The following PTPRD variants were observed in gnomAD, a reference collection of about 807,000 sequenced individuals.
The protein encoded by PTPRD is protein tyrosine phosphatase receptor type D.
In PTPRD, 34 loss-of-function variants were observed where a neutral mutation model predicts 214.5. The observed-to-expected ratio is 0.16, with a 90% confidence interval of 0.12 to 0.21. The LOEUF is 0.21. PTPRD is among the 10% of genes least tolerant of loss of function. PTPRD has a pLI of 1.00. For synonymous variants in PTPRD, 1,128 were observed against 845.7 expected (o/e 1.33, Z -5.79); for missense variants, 2,545 against 2,398.7 (o/e 1.06, Z -1.27).
At chr9:9,250,393 A>G (rs944635022) in intron 9 of PTPRD, among the ~76,000 whole-genome samples, 3 of 152,040 alleles carry the variant, frequency 2.0e-5, no homozygotes, top group African/African-American at 7.2e-5. Context: ...AGCTGAGTAA[A>G]TCTCTCAGAG....
At chr9:9,259,094 C>A (rs756287907) in intron 9 of PTPRD, among the ~76,000 whole-genome samples, 3 of 151,700 alleles carry the variant, frequency 2.0e-5, no homozygotes, top group African/African-American at 7.3e-5. Context: ...CTTACCCATT[C>A]CCAAGACTGA....
intron 3 of PTPRD, among the ~76,000 whole-genome samples, chr9:10,218,647 T>C (rs531188296): frequency 1.9e-4 from 29 of 151,912 alleles, no homozygotes; most frequent in African/African-American, 6.7e-4. Flanking sequence ...TAATATGTAG[T>C]CTGAATCCAT....
At chr9:8,545,970 C>T (rs1479261383) in intron 14 of PTPRD, among the ~76,000 whole-genome samples, 2 of 152,182 alleles carry the variant, frequency 1.3e-5, no homozygotes, top group Non-Finnish European at 2.9e-5. Flanking sequence ...GGTGGCTAGC[C>T]TATCCAAGCA....
At chr9:10,149,996 T>C (rs2099049849) in intron 3 of PTPRD, among the ~76,000 whole-genome samples, 2 of 152,164 alleles carry the variant, frequency 1.3e-5, no homozygotes, top group South Asian at 4.1e-4. Flanking sequence ...CCCAAAGTGC[T>C]GGGATTACAG....
At chr9:10,007,868 T>G (rs749225784) in intron 4 of PTPRD, among the ~76,000 whole-genome samples, 42 of 151,984 alleles carry the variant, frequency 2.8e-4, no homozygotes, top group Non-Finnish European at 5.4e-4. Context: ...AATAGTTACT[T>G]TAGTAAAATT....
chr9:9,760,599 T>C (rs1364192384), intron 6 of PTPRD, among the ~76,000 whole-genome samples: 6 of 107,814 alleles, frequency 5.6e-5, no homozygotes, highest in East Asian at 3.6e-4. Flanking sequence ...TCAGCTATCA[T>C]ACACACACAC....
chr9:9,417,551 C>T (rs2077358648), intron 8 of PTPRD, among the ~76,000 whole-genome samples: 3 of 151,986 alleles, frequency 2.0e-5, no homozygotes, highest in Admixed American at 2.0e-4. Context: ...TCTAATTAGC[C>T]ATCATATTTA....
chr9:9,184,856 A>G lies in PTPRD; in HGVS notation c.-202-1493T>C, dbSNP rs12349275. ...GTATCATGAAAATTTCATAGGAACT[A>G]TTATTCTAAATAGTTATTCCTTCAG... On this transcript the variant is annotated intron_variant, in intron 9 of 45. Coordinates refer to ENST00000381196, the MANE Select transcript of PTPRD (RefSeq NM_002839.4). Among the ~76,000 whole-genome samples the G allele has an allele frequency of 7.1e-3, 1,075 of 152,190 alleles. 3 individuals carry two copies. Among genetic ancestry groups the G allele is most frequent in the Non-Finnish European group, 0.01 (708 of 67,978 alleles).
chr9:8,694,957 T>C (rs1284502852), intron 12 of PTPRD, among the ~76,000 whole-genome samples: 1 of 152,134 alleles, frequency 6.6e-6, no homozygotes, highest in African/African-American at 2.4e-5. Flanking sequence ...TAACAGAACA[T>C]CCTACTAAAA....
At chr9:8,852,626 C>T (rs2097842700) in intron 11 of PTPRD, among the ~76,000 whole-genome samples, 1 of 152,176 alleles carries the variant, frequency 6.6e-6, no homozygotes, top group African/African-American at 2.4e-5. Flanking sequence ...TATACATGAC[C>T]TACTAGCTTA....
intron 4 of PTPRD, among the ~76,000 whole-genome samples, chr9:9,949,519 G>A (rs558978386): frequency 8.8e-4 from 134 of 152,138 alleles, no homozygotes; most frequent in African/African-American, 3.1e-3. Flanking sequence ...AGCCCTCGTA[G>A]GGAGTTAATG....
chr9:9,165,318 T>A (rs1041338594), intron 10 of PTPRD, among the ~76,000 whole-genome samples: 1 of 152,174 alleles, frequency 6.6e-6, no homozygotes, highest in Non-Finnish European at 1.5e-5. Flanking sequence ...CAGGACTTCT[T>A]AATTTTGAGG....
intron 7 of PTPRD, among the ~76,000 whole-genome samples, chr9:9,596,913 G>A (rs611782): frequency 0.27 from 41,210 of 151,714 alleles, 7,022 homozygotes; most frequent in Non-Finnish European, 0.38. Context: ...ATTTATTGTT[G>A]GTGAAACTGA....
At chr9:8,505,561 G>T (rs13294604) in intron 22 of PTPRD, among the ~76,000 whole-genome samples, 1 of 146,688 alleles carries the variant, frequency 6.8e-6, no homozygotes, top group South Asian at 2.1e-4. Flanking sequence ...GGCAGAGCTT[G>T]CAGTGAGCAG....
intron 2 of PTPRD, among the ~76,000 whole-genome samples, chr9:10,504,660 C>T (rs1490383984): frequency 6.6e-6 from 1 of 152,060 alleles, no homozygotes; most frequent in Non-Finnish European, 1.5e-5. Context: ...CAGGACACTT[C>T]CTTTTATCAG....
intron 9 of PTPRD, among the ~76,000 whole-genome samples, chr9:9,305,568 T>A (rs1956874175): frequency 6.6e-6 from 1 of 152,132 alleles, no homozygotes; most frequent in African/African-American, 2.4e-5. Context: ...CTCTCTTCTG[T>A]CTCACCAATC....
rs117768431 is a variant in PTPRD at position 8,894,807 on chromosome 9, T to C, written c.-104+123890A>G. On this transcript the variant is annotated intron_variant, in intron 11 of 45. Coordinates refer to ENST00000381196, the MANE Select transcript of PTPRD (RefSeq NM_002839.4). ...AGTTGTTTTTATGATATGTCCTTGTTGTTAATTTAGAATATTTCATCACAA... is the reference window on the plus strand; with the variant it reads ...AGTTGTTTTTATGATATGTCCTTGTCGTTAATTTAGAATATTTCATCACAA... Among the ~76,000 whole-genome samples the C allele has an allele frequency of 4.9e-4, 75 of 152,310 alleles. No homozygotes were observed. The East Asian group carries it at 0.013, about 26-fold the overall frequency.
At chr9:9,989,989 A>T (rs2095857614) in intron 4 of PTPRD, among the ~76,000 whole-genome samples, 3 of 152,200 alleles carry the variant, frequency 2.0e-5, no homozygotes, top group East Asian at 3.9e-4. Flanking sequence ...GGACTATCCC[A>T]TCTCAACTGG....
At chr9:9,571,500 A>T (rs2086391125) in intron 8 of PTPRD, among the ~76,000 whole-genome samples, 1 of 151,358 alleles carries the variant, frequency 6.6e-6, no homozygotes, top group Non-Finnish European at 1.5e-5. Context: ...TTACATTTAA[A>T]TGCTTAAAGG....
Sources: allele counts gnomAD v4.1 joint callset (sites outside exome capture counted in the v4.1 genomes callset), GRCh38; gene constraint gnomAD v4.1.1; transcripts MANE v1.5; gene names NCBI Gene and HGNC (gene_info 2026-07-23, HGNC 2026-07-21).